PCDHGA11: variants seen among roughly 807,000 people sequenced by gnomAD.
PCDHGA11 encodes the protein protocadherin gamma subfamily A, 11.
Under a neutral mutation model 60.4 loss-of-function variants are expected in PCDHGA11, and 39 were observed. The ratio of observed to expected loss-of-function variants is 0.65; its 90% CI spans 0.50 to 0.84. PCDHGA11 has a LOEUF of 0.84. Among genes scored for constraint, PCDHGA11 ranks in the 40% least tolerant of loss-of-function variants. The pLI, the probability that PCDHGA11 is intolerant of heterozygous loss-of-function variation, is 0.00. For synonymous variants in PCDHGA11, 533 were observed against 510.3 expected (o/e 1.04, Z -0.60); for missense variants, 1,165 against 1,197.7 (o/e 0.97, Z 0.40).
intron 1 of PCDHGA11, chr5:141,424,522 T>C (rs2096826398): frequency 6.6e-6 from 1 of 152,212 alleles, no homozygotes; most frequent in South Asian, 2.1e-4. Flanking sequence ...ATGTAGTAAA[T>C]CCATATATAG....
chr5:141,427,829 G>C, intron 1 of PCDHGA11: 1 of 1,538,520 alleles, frequency 6.5e-7, no homozygotes. Flanking sequence ...TGGTCGCGCA[G>C]CGTGCCTTCG....
chr5:141,503,671 A>G (rs1028896082), intron 2 of PCDHGA11, among the ~76,000 whole-genome samples: 2 of 151,950 alleles, frequency 1.3e-5, no homozygotes, highest in Non-Finnish European at 2.9e-5. Flanking sequence ...AACTCTTCCC[A>G]CTTTTGGGAA....
intron 1 of PCDHGA11, chr5:141,424,475 T>C (rs1399874639): frequency 2.6e-5 from 4 of 152,234 alleles, no homozygotes; most frequent in Admixed American, 2.0e-4. Context: ...ATTCTTTTAC[T>C]TTGGTGTCTG....
At chr5:141,451,779 G>T (rs1284464259) in intron 1 of PCDHGA11, among the ~76,000 whole-genome samples, 1 of 152,070 alleles carries the variant, frequency 6.6e-6, no homozygotes, top group Non-Finnish European at 1.5e-5. Flanking sequence ...TACTCAGGAG[G>T]CTGAGGCCAG....
chr5:141,509,497 G>A (rs1167178592), intron 3 of PCDHGA11, among the ~76,000 whole-genome samples: 1 of 152,196 alleles, frequency 6.6e-6, no homozygotes, highest in Non-Finnish European at 1.5e-5. Flanking sequence ...TGGCATGCTG[G>A]ATGTGACGGT....
At chr5:141,474,041 GC>G (rs1242668125) in intron 1 of PCDHGA11, among the ~76,000 whole-genome samples, 3 of 152,140 alleles carry the variant, frequency 2.0e-5, no homozygotes. Context: ...CTGTACTCCA[GC>G]CTGGATGACA....
Position 141,485,863 on chromosome 5 carries a change from A to G in PCDHGA11, c.2434-8944A>G, listed in dbSNP as rs770864367. 78 of 1,614,054 alleles carry G rather than the reference A, an allele frequency of 4.8e-5. No individual in the cohort carries two copies. Among genetic ancestry groups the G allele is most frequent in the Non-Finnish European group, 6.0e-5 (71 of 1,180,040 alleles). ...GATCTGGCACCGCAGAGCTCCGGGT[A>G]TCCGTGCTGGACGTAAACGACAACG... On this transcript the variant is annotated intron_variant, in intron 1 of 3. Coordinates refer to ENST00000398587, the MANE Select transcript of PCDHGA11 (RefSeq NM_018914.3). The surrounding 1 kb of genome is among the most constrained non-coding windows in gnomAD (Gnocchi z 5.7).
rs2099641707 is a variant in PCDHGA11 at position 141,487,238 on chromosome 5, C to T, written c.2434-7569C>T. 1.2e-6 allele frequency: 2 copies of T among 1,614,056 alleles called. No individual in the cohort carries two copies. The highest frequency in any genetic ancestry group is 1.7e-6 in the Non-Finnish European group (2 of 1,180,022). On this transcript the variant is annotated intron_variant, in intron 1 of 3. Transcript: ENST00000398587. This position sits in a 1 kb window ranked among gnomAD's most constrained non-coding sequence, Gnocchi z 5.0. ...AGCTCCAAGGGAAGGAGAATCTCGT[C>T]TAACCCTCTACTTGGCTGTGTCCCT...
rs1196083589 is a variant in PCDHGA11, at chr5:141,486,525, A to G, written c.2434-8282A>G. On this transcript the variant is annotated intron_variant, in intron 1 of 3. Coordinates refer to ENST00000398587, the MANE Select transcript of PCDHGA11 (RefSeq NM_018914.3). This position sits in a 1 kb window ranked among gnomAD's most constrained non-coding sequence, Gnocchi z 5.0. ...CTCAATATTTCAGATGTGAATGATA[A>G]TCCACCCTCTTTCTTTCAGAGGTCA... 1 of 1,614,158 alleles carries G rather than the reference A, an allele frequency of 6.2e-7. No individual in the cohort carries two copies. Among genetic ancestry groups the G allele is most frequent in the African/African-American group, 1.3e-5 (1 of 75,054 alleles).
At chr5:141,430,834 G>T (rs1317415848) in intron 1 of PCDHGA11, 1 of 1,557,712 alleles carries the variant, frequency 6.4e-7, no homozygotes, top group Non-Finnish European at 8.7e-7. Context: ...CTCTGTGGGA[G>T]ACCGGATGCA....
intron 1 of PCDHGA11, among the ~76,000 whole-genome samples, chr5:141,464,921 G>A (rs1562002597): frequency 6.6e-6 from 1 of 151,106 alleles, no homozygotes; most frequent in Non-Finnish European, 1.5e-5. Flanking sequence ...TTATTTTTTT[G>A]TAGAGATGTG....
In PCDHGA11 at chr5:141,422,996, C is replaced by T. The variant is rs1473025630; in HGVS notation, c.1769C>T (p.Thr590Ile). Residue 590 changes from threonine to isoleucine, a missense_variant, in exon 1 of 4, where the codon ACC becomes ATC. Physicochemically the swap from Thr to Ile is moderately conservative, Grantham distance 89. Coordinates refer to ENST00000398587, the MANE Select transcript of PCDHGA11 (RefSeq NM_018914.3). ...PRSAEPGYLV[T>I]KVVAVDKDSG... ...TCTGCGGAACCTGGCTACCTGGTGA[C>T]CAAGGTGGTTGCGGTGGACAAAGAT... is the stretch of plus-strand genomic sequence containing the variant. The T allele has an allele frequency of 6.2e-7, 1 of 1,614,224 alleles. No homozygotes were observed. Among genetic ancestry groups the T allele is most frequent in the South Asian group, 1.1e-5 (1 of 91,086 alleles).
intron 1 of PCDHGA11, among the ~76,000 whole-genome samples, chr5:141,464,049 G>C (rs1330340459): frequency 6.6e-6 from 1 of 152,124 alleles, no homozygotes; most frequent in Admixed American, 6.5e-5. Context: ...TGGATCACCT[G>C]AGGTCAGGAG....
At chr5:141,464,024 G>A (rs2099074308) in intron 1 of PCDHGA11, among the ~76,000 whole-genome samples, 1 of 151,996 alleles carries the variant, frequency 6.6e-6, no homozygotes, top group East Asian at 1.9e-4. Context: ...CCACACTTTG[G>A]GAGGCCAAGG....
chr5:141,432,362 C>T lies in PCDHGA11; in HGVS notation c.2433+8702C>T. On this transcript the variant is annotated intron_variant, in intron 1 of 3. Transcript: ENST00000398587. The surrounding 1 kb of genome is among the most constrained non-coding windows in gnomAD (Gnocchi z 6.0). ...AGACTTGCAAGTGAAAGTGATGGCG[C>T]GGGACAACGGGCACCCGCCCCTCAG... 2 of 1,614,218 alleles carry T rather than the reference C, an allele frequency of 1.2e-6. No homozygotes were observed. Among genetic ancestry groups the T allele is most frequent in the South Asian group, 2.2e-5 (2 of 91,082 alleles).
chr5:141,433,367 C>CTATA, intron 1 of PCDHGA11: 2 of 549,818 alleles, frequency 3.6e-6, no homozygotes, highest in South Asian at 4.5e-5. Flanking sequence ...GCCTATCTAT[C>CTATA]TATCTATCTA....
At position 141,422,703 on chromosome 5, in the gene PCDHGA11, G is replaced by A. The variant is rs1473348513; in HGVS notation, c.1476G>A (p.Leu492=). 1 of 1,603,132 alleles carries A rather than the reference G, an allele frequency of 6.2e-7. No homozygotes were observed. Among genetic ancestry groups the A allele is most frequent in the Admixed American group, 1.7e-5 (1 of 59,502 alleles). The change falls in exon 1 of 4, where the codon CTG becomes CTA. Residue 492 remains leucine, a synonymous_variant. Transcript: ENST00000398587. ...SKQNALVTYS[L]TDDTVQGVPL... is the part of the protein sequence containing the mutation. ...AGAATGCCCTGGTCACTTACTCTCT[G>A]ACGGATGACACTGTCCAGGGGGTGC...
chr5:141,463,904 T>C (rs1289422146), intron 1 of PCDHGA11, among the ~76,000 whole-genome samples: 3 of 152,214 alleles, frequency 2.0e-5, no homozygotes, highest in African/African-American at 4.8e-5. Context: ...TTTGTACTAA[T>C]AATATATCCT....
intron 1 of PCDHGA11, among the ~76,000 whole-genome samples, chr5:141,462,125 A>AT (rs1561991410): frequency 6.6e-6 from 1 of 151,688 alleles, no homozygotes; most frequent in African/African-American, 2.4e-5. Context: ...ACCCAGTCCA[A>AT]TTTTTTGTAT....
Sources: gnomAD v4.1 joint callset for allele counts (sites outside exome capture counted in the v4.1 genomes callset) on GRCh38, gnomAD v4.1.1 for gene constraint, Gnocchi (gnomAD v3.1) non-coding constraint, MANE v1.5 for transcripts, NCBI Gene and HGNC (gene_info 2026-07-23, HGNC 2026-07-21) for gene names.